Variants in LSAMP observed in about 807,000 individuals in gnomAD.
LSAMP encodes limbic system associated membrane protein, also known as limbic system-associated membrane protein.
A neutral mutation model predicts 38.6 loss-of-function variants in LSAMP; 7 were observed. The ratio of observed to expected loss-of-function variants is 0.18; its 90% CI spans 0.10 to 0.34. LSAMP has a LOEUF of 0.34. Among genes scored for constraint, LSAMP ranks in the 10% least tolerant of loss-of-function variants. LSAMP has a pLI of 1.00. For missense variants in LSAMP, 313 were observed against 420.0 expected, an observed-to-expected ratio of 0.75 and a Z score of 2.23; for synonymous variants, 154 against 166.8, an observed-to-expected ratio of 0.92 and a Z score of 0.59.
At chr3:116,366,730 T>A (rs2048359311) in intron 1 of LSAMP, among the ~76,000 whole-genome samples, 1 of 152,206 alleles carries the variant, frequency 6.6e-6, no homozygotes, top group African/African-American at 2.4e-5. Context: ...AACTCTGTGC[T>A]CTTAAGGGTC....
At chr3:115,959,805 T>G (rs1938568067) in intron 3 of LSAMP, among the ~76,000 whole-genome samples, 1 of 152,212 alleles carries the variant, frequency 6.6e-6, no homozygotes, top group South Asian at 2.1e-4. Flanking sequence ...CTATTATTTT[T>G]GCTATTATTG....
At chr3:115,906,207 A>G (rs193118500) in intron 3 of LSAMP, among the ~76,000 whole-genome samples, 1 of 152,272 alleles carries the variant, frequency 6.6e-6, no homozygotes, top group East Asian at 1.9e-4. Flanking sequence ...GAGTTCTGCC[A>G]TTTATAATAT....
At chr3:116,187,698 A>G (rs1038607644) in intron 1 of LSAMP, among the ~76,000 whole-genome samples, 1 of 152,132 alleles carries the variant, frequency 6.6e-6, no homozygotes, top group African/African-American at 2.4e-5. Context: ...TTTTCCCAGC[A>G]CATAGCTTCT....
chr3:116,407,030 CT>C (rs968995829), intron 1 of LSAMP, among the ~76,000 whole-genome samples: 1 of 151,980 alleles, frequency 6.6e-6, no homozygotes, highest in Non-Finnish European at 1.5e-5. Context: ...TATGAAGAAA[CT>C]TTAACTTTCT....
At chr3:116,246,714 G>A (rs1240872610) in intron 1 of LSAMP, among the ~76,000 whole-genome samples, 2 of 152,214 alleles carry the variant, frequency 1.3e-5, no homozygotes, top group African/African-American at 4.8e-5. Context: ...ATCCTCCTAA[G>A]TTACATCCAA....
chr3:116,332,341 A>G (rs1415375355), intron 1 of LSAMP, among the ~76,000 whole-genome samples: 3 of 152,156 alleles, frequency 2.0e-5, no homozygotes, highest in African/African-American at 7.2e-5. Context: ...GTTTGACATC[A>G]ACAACTGAAA....
chr3:116,322,476 T>TGATA (rs1246524535), intron 1 of LSAMP, among the ~76,000 whole-genome samples: 2 of 152,172 alleles, frequency 1.3e-5, no homozygotes, highest in Non-Finnish European at 2.9e-5. Flanking sequence ...GAAATGTTAG[T>TGATA]GATAGATAGA....
chr3:116,091,810 A>G (rs373726726), intron 1 of LSAMP, among the ~76,000 whole-genome samples: 6 of 152,208 alleles, frequency 3.9e-5, no homozygotes, highest in African/African-American at 1.4e-4. Context: ...CCTAATGACA[A>G]TGGGTGTTAG....
At chr3:115,841,770 G>A in intron 6 of LSAMP, 75 bp downstream of exon 6, 1 of 1,508,318 alleles carries the variant, frequency 6.6e-7, no homozygotes. Flanking sequence ...AATAGCTAAG[G>A]GAATGGTTTT....
At chr3:116,066,254 C>G (rs1464399655) in intron 2 of LSAMP, among the ~76,000 whole-genome samples, 1 of 152,178 alleles carries the variant, frequency 6.6e-6, no homozygotes, top group African/African-American at 2.4e-5. Context: ...AGGGTCGAGC[C>G]TAATCACTTC....
chr3:116,145,906 TTTTA>T (rs1311067323), intron 1 of LSAMP, among the ~76,000 whole-genome samples: 11 of 151,982 alleles, frequency 7.2e-5, no homozygotes, highest in African/African-American at 1.4e-4. Context: ...TTTCAAGAAA[TTTTA>T]TTTGTTAGTT....
intron 1 of LSAMP, among the ~76,000 whole-genome samples, chr3:116,375,037 G>A (rs1188156042): frequency 6.6e-6 from 1 of 151,902 alleles, no homozygotes; most frequent in Non-Finnish European, 1.5e-5. Context: ...TAATAAATAA[G>A]TCATCTACTT....
chr3:115,908,369 C>T (rs1376555907), intron 3 of LSAMP, among the ~76,000 whole-genome samples: 1 of 152,126 alleles, frequency 6.6e-6, no homozygotes, highest in African/African-American at 2.4e-5. Context: ...TACATCTTAT[C>T]TTGCTATTAT....
intron 3 of LSAMP, among the ~76,000 whole-genome samples, chr3:115,968,420 C>T (rs191227180): frequency 1.1e-4 from 16 of 152,196 alleles, no homozygotes; most frequent in Admixed American, 3.3e-4. Context: ...ATAAATCCTG[C>T]TAGGACTGGG....
chr3:116,181,628 C>A (rs1273219160), intron 1 of LSAMP, among the ~76,000 whole-genome samples: 2 of 151,952 alleles, frequency 1.3e-5, no homozygotes, highest in Non-Finnish European at 2.9e-5. Flanking sequence ...TTAAAACATT[C>A]CTAAATACTT....
chr3:115,876,038 T>C (rs1333484185), intron 3 of LSAMP, among the ~76,000 whole-genome samples: 1 of 152,002 alleles, frequency 6.6e-6, no homozygotes, highest in Non-Finnish European at 1.5e-5. Flanking sequence ...GAGAAATTTC[T>C]TTCTGTTCCC....
At chr3:116,274,801 A>T (rs923459197) in intron 1 of LSAMP, among the ~76,000 whole-genome samples, 5 of 152,026 alleles carry the variant, frequency 3.3e-5, no homozygotes, top group African/African-American at 1.2e-4. Flanking sequence ...AATAATTTGA[A>T]AGAATGATAT....
intron 1 of LSAMP, among the ~76,000 whole-genome samples, chr3:116,122,583 CTA>C (rs1358241846): frequency 2.0e-5 from 3 of 152,182 alleles, no homozygotes; most frequent in East Asian, 1.9e-4. Flanking sequence ...CAAGTAATCT[CTA>C]TGAGTGTGAA....
intron 3 of LSAMP, among the ~76,000 whole-genome samples, chr3:115,952,595 A>G (rs1938326836): frequency 6.6e-6 from 1 of 152,156 alleles, no homozygotes; most frequent in Non-Finnish European, 1.5e-5. Context: ...TGAGAGATAA[A>G]AGACCACATA....
Sources: allele counts gnomAD v4.1 joint callset (sites outside exome capture counted in the v4.1 genomes callset), GRCh38; gene constraint gnomAD v4.1.1; transcripts MANE v1.5; gene names NCBI Gene and HGNC (gene_info 2026-07-23, HGNC 2026-07-21).